PDK3: variants seen among roughly 807,000 people sequenced by gnomAD.
PDK3 encodes the protein pyruvate dehydrogenase kinase, isozyme 3.
In PDK3, 12 loss-of-function variants were observed where a neutral mutation model predicts 32.0. The observed-to-expected ratio is 0.37, with a 90% CI of 0.24 to 0.61. The LOEUF (loss-of-function observed/expected upper bound fraction) is 0.61. Among genes scored for constraint, PDK3 ranks in the 20% least tolerant of loss-of-function variants. The pLI is 0.65. For missense variants in PDK3, 188 were observed against 316.9 expected (o/e 0.59, Z 3.09); for synonymous variants, 122 against 116.3 (o/e 1.05, Z -0.31).
chrX:24,528,595 G>A (rs928355725), intron 9 of PDK3, among the ~76,000 whole-genome samples: 4 of 112,706 alleles, frequency 3.5e-5, no homozygotes, highest in Non-Finnish European at 7.5e-5. Context: ...CCACAGAGGC[G>A]CGAATCACCT....
At position 24,495,668 on chromosome X, in the gene PDK3, C is replaced by A. The variant is rs1442017868; in HGVS notation, c.248+785C>A. ...CTCTGGGCACACCACCCTCCCAGTA[C>A]CCCCATATGTTCACCAACCTGGAGA... On this transcript the variant is annotated intron_variant, in intron 2 of 10. Coordinates refer to ENST00000379162, the MANE Select transcript of PDK3 (RefSeq NM_005391.5). Among the ~76,000 whole-genome samples the A allele has an allele frequency of 2.7e-5, 3 of 112,654 alleles. No individual in the cohort carries two copies. The East Asian group carries it at 8.4e-4, about 32-fold the overall frequency.
At chrX:24,526,368 G>C in intron 7 of PDK3, 94 bp downstream of exon 7, 1 of 535,433 alleles carries the variant, frequency 1.9e-6, no homozygotes, top group Non-Finnish European at 3.1e-6. Context: ...ATAAGAAAAA[G>C]GTTTTGCATA....
chrX:24,546,478 G>A (rs774589613), exon 12 of PDK3: 5 of 111,909 alleles, frequency 4.5e-5, no homozygotes, highest in African/African-American at 1.3e-4. Context: ...AAGTCCACAG[G>A]TTGGTATCAG....
chrX:24,474,383 TTTTATTTA>T (rs57520211), intron 1 of PDK3, among the ~76,000 whole-genome samples: 2,143 of 96,780 alleles, frequency 0.022, 25 homozygotes, highest in African/African-American at 0.024. Flanking sequence ...TATAAGTTTA[TTTTATTTA>T]TTTATTTATT....
At chrX:24,471,452 G>A (rs1920990080) in intron 1 of PDK3, among the ~76,000 whole-genome samples, 1 of 112,108 alleles carries the variant, frequency 8.9e-6, no homozygotes, top group African/African-American at 3.2e-5. Flanking sequence ...ATTACAGAAT[G>A]TTGTCTGAAT....
At chrX:24,491,448 G>C (rs535225237) in intron 1 of PDK3, among the ~76,000 whole-genome samples, 1 of 110,962 alleles carries the variant, frequency 9.0e-6, no homozygotes, top group East Asian at 2.8e-4. Context: ...TAGCCAAGGA[G>C]CAGAGTGTGG....
chrX:24,494,034 C>T (rs761713011), intron 1 of PDK3, among the ~76,000 whole-genome samples: 24 of 112,310 alleles, frequency 2.1e-4, no homozygotes, highest in Non-Finnish European at 4.3e-4. Context: ...ATTTTATGCA[C>T]AGCTAGCTCA....
At chrX:24,480,113 C>T (rs1921215937) in intron 1 of PDK3, among the ~76,000 whole-genome samples, 1 of 111,455 alleles carries the variant, frequency 9.0e-6, no homozygotes, top group East Asian at 2.8e-4. Flanking sequence ...CACCGCCTCC[C>T]AAGCATTACC....
intron 1 of PDK3, among the ~76,000 whole-genome samples, chrX:24,474,690 A>G (rs1012507949): frequency 1.8e-5 from 2 of 111,671 alleles, no homozygotes; most frequent in African/African-American, 6.5e-5. Flanking sequence ...TTGGGATTAC[A>G]GACGTGAGCC....
intron 5 of PDK3, among the ~76,000 whole-genome samples, chrX:24,509,642 G>T (rs780772300): frequency 1.0e-3 from 113 of 111,210 alleles, no homozygotes; most frequent in African/African-American, 3.5e-3. Context: ...TCTCTCAACA[G>T]CATCCTCCCT....
chrX:24,490,542 T>C (rs1671342832), intron 1 of PDK3, among the ~76,000 whole-genome samples: 1 of 111,580 alleles, frequency 9.0e-6, no homozygotes, highest in South Asian at 3.7e-4. Context: ...TTCTTTTTCA[T>C]ATATTTGCTG....
intron 1 of PDK3, among the ~76,000 whole-genome samples, chrX:24,490,085 A>G (rs1921514107): frequency 8.9e-6 from 1 of 112,035 alleles, no homozygotes; most frequent in African/African-American, 3.2e-5. Context: ...AGTGATTGCT[A>G]TTTAATTAGC....
intron 1 of PDK3, among the ~76,000 whole-genome samples, chrX:24,473,561 C>T (rs1989980): frequency 0.38 from 40,399 of 106,498 alleles, 6,035 homozygotes; most frequent in African/African-American, 0.52. Flanking sequence ...CTCAGCCTCC[C>T]GAGTAGCTGG....
In PDK3 at chrX:24,529,463, C is replaced by G. The variant is rs765228546; in HGVS notation, c.963+1277C>G. ...AGTGTACTACGTGGCCGAAGAAATGCTTCTGCTAGTGGCTCTCCCAGTTAG... is the reference window on the plus strand; with the variant it reads ...AGTGTACTACGTGGCCGAAGAAATGGTTCTGCTAGTGGCTCTCCCAGTTAG... On this transcript the variant is annotated intron_variant, in intron 9 of 10. Coordinates refer to ENST00000379162, the MANE Select transcript of PDK3 (RefSeq NM_005391.5). Among the ~76,000 whole-genome samples the G allele has an allele frequency of 2.7e-5, 3 of 111,766 alleles. No homozygotes were observed. In the East Asian group the frequency reaches 8.4e-4, roughly 31 times the overall value.
intron 7 of PDK3, among the ~76,000 whole-genome samples, chrX:24,527,293 G>GA (rs758129546): frequency 3.1e-3 from 235 of 75,971 alleles, no homozygotes; most frequent in Non-Finnish European, 4.7e-3. Flanking sequence ...ACCGTAAAGC[G>GA]AAAAAAAAAA....
In PDK3 at chrX:24,483,319, C is replaced by T. The variant is rs185582590; in HGVS notation, c.107-11423C>T. Among the ~76,000 whole-genome samples, 89 of 111,953 alleles carry T rather than the reference C, an allele frequency of 7.9e-4. No homozygotes were observed. The Middle Eastern group carries it at 0.023, about 29-fold the overall frequency. On this transcript the variant is annotated intron_variant, in intron 1 of 10. Transcript: ENST00000379162. ...GGCATCCTGTAACTCACCAATTTAC[C>T]GTTAGGACTAGATTCTAAACTCCCT...
At chrX:24,516,517 G>C (rs1462802443) in intron 5 of PDK3, among the ~76,000 whole-genome samples, 4 of 111,878 alleles carry the variant, frequency 3.6e-5, no homozygotes, top group Admixed American at 9.5e-5. Flanking sequence ...GCAATAAAAA[G>C]AAATGAGATC....
chrX:24,518,498 GAACA>G, intron 5 of PDK3, among the ~76,000 whole-genome samples: 1 of 110,017 alleles, frequency 9.1e-6, no homozygotes, highest in Non-Finnish European at 1.9e-5. Context: ...ACAAACAAAC[GAACA>G]AACAAACAGA....
intron 1 of PDK3, among the ~76,000 whole-genome samples, chrX:24,465,777 G>A (rs1467445403): frequency 8.9e-6 from 1 of 111,956 alleles, no homozygotes; most frequent in African/African-American, 3.2e-5. Context: ...ACACAGAAAC[G>A]GCGTCTCATT....
Sources: allele counts gnomAD v4.1 joint callset (sites outside exome capture counted in the v4.1 genomes callset), GRCh38; gene constraint gnomAD v4.1.1; transcripts MANE v1.5; gene names NCBI Gene and HGNC (gene_info 2026-07-23, HGNC 2026-07-21).